KAZN: variants seen among roughly 807,000 people sequenced by gnomAD.
KAZN encodes the protein kazrin, periplakin interacting protein.
KAZN carries 40 observed loss-of-function variants against 87.4 expected under a neutral mutation model. The ratio of observed to expected loss-of-function variants is 0.46; its 90% CI spans 0.36 to 0.60. KAZN has a LOEUF of 0.60. Among genes scored for constraint, KAZN ranks in the 20% least tolerant of loss-of-function variants. The pLI, the probability that KAZN is intolerant of heterozygous loss-of-function variation, is 0.00. For synonymous variants in KAZN, 466 were observed against 458.3 expected (o/e 1.02, Z -0.22); for missense variants, 898 against 1,073.9 (o/e 0.84, Z 2.29).
chr1:15,091,275 T>C (rs1573287036), intron 8 of KAZN, among the ~76,000 whole-genome samples: 1 of 152,260 alleles, frequency 6.6e-6, no homozygotes, highest in African/African-American at 2.4e-5. Flanking sequence ...ATAATAATTA[T>C]ACACTTTACA....
chr1:14,686,080 G>A (rs1021542753), intron 1 of KAZN, among the ~76,000 whole-genome samples: 1 of 151,904 alleles, frequency 6.6e-6, no homozygotes, highest in Non-Finnish European at 1.5e-5. Flanking sequence ...TGTTTGTTTT[G>A]TTTTTTTGAG....
chr1:14,164,006 G>A (rs1057225759), intron 1 of KAZN, among the ~76,000 whole-genome samples: 10 of 152,126 alleles, frequency 6.6e-5, no homozygotes, highest in Admixed American at 2.0e-4. Flanking sequence ...CTTCTCTGAC[G>A]TCCTCCAGCT....
chr1:14,277,526 T>C (rs892150223), intron 2 of KAZN, among the ~76,000 whole-genome samples: 6 of 151,980 alleles, frequency 3.9e-5, no homozygotes, highest in Non-Finnish European at 2.9e-5. Flanking sequence ...TAGCTGGGCA[T>C]GGTGGCAGGC....
intron 1 of KAZN, among the ~76,000 whole-genome samples, chr1:14,766,559 G>A (rs907528062): frequency 6.7e-6 from 1 of 149,602 alleles, no homozygotes; most frequent in African/African-American, 2.5e-5. Flanking sequence ...TGGTGCTCTG[G>A]ATCACAGAGA....
intron 2 of KAZN, among the ~76,000 whole-genome samples, chr1:14,294,321 G>T (rs540055539): frequency 6.6e-6 from 1 of 152,192 alleles, no homozygotes; most frequent in African/African-American, 2.4e-5. Context: ...ACCACACAAA[G>T]GTCCTTGGGT....
intron 1 of KAZN, among the ~76,000 whole-genome samples, chr1:14,893,255 A>C (rs1654910740): frequency 6.6e-6 from 1 of 152,164 alleles, no homozygotes; most frequent in African/African-American, 2.4e-5. Flanking sequence ...AATCCCAGCC[A>C]CTTGGGAGGC....
Position 15,056,441 on chromosome 1 carries a change from C to T in KAZN, c.916+161C>T, listed in dbSNP as rs750759630. Among the ~76,000 whole-genome samples the T allele has an allele frequency of 6.6e-6, 1 of 152,222 alleles. No homozygotes were observed. The highest frequency in any genetic ancestry group is 1.5e-5 in the Non-Finnish European group (1 of 68,038). On this transcript the variant is annotated intron_variant, in intron 5 of 14. Coordinates refer to ENST00000376030, the MANE Select transcript of KAZN (RefSeq NM_201628.3). The surrounding 1 kb of genome is among the most constrained non-coding windows in gnomAD (Gnocchi z 5.4). ...GTAACTGAAAAATCTAAGAGATGGA[C>T]AGCAGGCATAGCTGGATCCAGAGGT...
At chr1:14,204,729 T>C (rs1053188649) in intron 2 of KAZN, among the ~76,000 whole-genome samples, 1 of 152,236 alleles carries the variant, frequency 6.6e-6, no homozygotes, top group African/African-American at 2.4e-5. Flanking sequence ...TAACAAGGCA[T>C]GGACTAATTT....
chr1:14,305,034 T>C (rs1654824795), intron 2 of KAZN, among the ~76,000 whole-genome samples: 1 of 152,120 alleles, frequency 6.6e-6, no homozygotes, highest in Admixed American at 6.6e-5. Flanking sequence ...ATACAACTTG[T>C]CTCCTCTGCT....
At chr1:14,278,981 C>T (rs1017412992) in intron 2 of KAZN, among the ~76,000 whole-genome samples, 22 of 131,800 alleles carry the variant, frequency 1.7e-4, no homozygotes, top group Admixed American at 2.7e-4. Flanking sequence ...CATGCCACTG[C>T]GTCAATCAGG....
At chr1:14,615,768 G>A (rs1678188957) in intron 1 of KAZN, among the ~76,000 whole-genome samples, 1 of 152,248 alleles carries the variant, frequency 6.6e-6, no homozygotes, top group African/African-American at 2.4e-5. Flanking sequence ...CCGGGAAGTG[G>A]CGTAGGAACT....
chr1:14,164,669 T>C (rs886176487), intron 1 of KAZN, among the ~76,000 whole-genome samples: 3 of 151,474 alleles, frequency 2.0e-5, no homozygotes, highest in Non-Finnish European at 2.9e-5. Flanking sequence ...GCCTCCGAAG[T>C]AGCCAGGATT....
chr1:15,017,979 T>C (rs1670295424), intron 2 of KAZN, among the ~76,000 whole-genome samples: 2 of 152,200 alleles, frequency 1.3e-5, no homozygotes, highest in Admixed American at 1.3e-4. Context: ...CTTATTGATC[T>C]TTCCCATTTC....
At chr1:14,201,453 G>A (rs1646637736) in intron 2 of KAZN, among the ~76,000 whole-genome samples, 1 of 152,140 alleles carries the variant, frequency 6.6e-6, no homozygotes, top group African/African-American at 2.4e-5. Flanking sequence ...GGCTGCCCCG[G>A]AGCAGCTGGT....
At chr1:13,977,856 G>A (rs1351389595) in intron 1 of KAZN, among the ~76,000 whole-genome samples, 2 of 152,120 alleles carry the variant, frequency 1.3e-5, no homozygotes, top group African/African-American at 2.4e-5. Context: ...GACTGGGCAC[G>A]GTGGCTCACG....
At chr1:14,115,487 C>T (rs962708938) in intron 1 of KAZN, among the ~76,000 whole-genome samples, 1 of 152,212 alleles carries the variant, frequency 6.6e-6, no homozygotes, top group African/African-American at 2.4e-5. Flanking sequence ...GCACAAGCTT[C>T]TTCTCTTTGC....
intron 1 of KAZN, among the ~76,000 whole-genome samples, chr1:14,639,301 C>G (rs888595425): frequency 2.6e-5 from 4 of 152,218 alleles, no homozygotes; most frequent in East Asian, 1.9e-4. Flanking sequence ...AATATCCCCA[C>G]TGAGAGTCCC....
At chr1:15,053,363 C>G (rs1279267317) in intron 4 of KAZN, among the ~76,000 whole-genome samples, 1 of 152,206 alleles carries the variant, frequency 6.6e-6, no homozygotes, top group Non-Finnish European at 1.5e-5. Context: ...CCCAGCTTCA[C>G]TCCTTCCTTA....
intron 1 of KAZN, among the ~76,000 whole-genome samples, chr1:14,151,201 A>C (rs993647761): frequency 1.3e-5 from 2 of 152,038 alleles, no homozygotes; most frequent in African/African-American, 4.8e-5. Flanking sequence ...AGATTGTAGA[A>C]AAAAAAGACA....
Sources: allele counts gnomAD v4.1 joint callset (sites outside exome capture counted in the v4.1 genomes callset), GRCh38; gene constraint gnomAD v4.1.1; non-coding constraint Gnocchi (gnomAD v3.1); transcripts MANE v1.5; gene names NCBI Gene and HGNC (gene_info 2026-07-23, HGNC 2026-07-21).